The following PIK3R1 variants were observed in gnomAD, a reference collection of about 807,000 sequenced individuals.
PIK3R1 encodes phosphoinositide-3-kinase regulatory subunit 1, also known as phosphatidylinositol 3-kinase regulatory subunit alpha.
In PIK3R1, 29 loss-of-function variants were observed where a neutral mutation model predicts 98.0. That is an observed-to-expected ratio of 0.30 (90% confidence interval 0.22 to 0.40). The LOEUF is 0.40. PIK3R1 is among the 10% of genes least tolerant of loss of function. PIK3R1 has a pLI of 1.00. For synonymous variants in PIK3R1, 282 were observed against 311.8 expected, an observed-to-expected ratio of 0.90 and a Z score of 1.01; for missense variants, 596 against 872.7, an observed-to-expected ratio of 0.68 and a Z score of 3.99.
At chr5:68,250,468 T>G (rs2112065354) in intron 2 of PIK3R1, among the ~76,000 whole-genome samples, 1 of 152,326 alleles carries the variant, frequency 6.6e-6, no homozygotes, top group South Asian at 2.1e-4. Flanking sequence ...CTTGATAGAC[T>G]TAGACATATA....
At chr5:68,253,933 C>G (rs1745415810) in intron 2 of PIK3R1, among the ~76,000 whole-genome samples, 2 of 151,278 alleles carry the variant, frequency 1.3e-5, no homozygotes, top group African/African-American at 4.9e-5. Flanking sequence ...TATATCCACT[C>G]CAAGAAAAGA....
rs772602884 is a variant in PIK3R1, at chr5:68,297,557, A to G, written c.2131A>G (p.Asn711Asp). The G allele has an allele frequency of 1.2e-6, 2 of 1,614,190 alleles. No individual in the cohort carries two copies. The highest frequency in any genetic ancestry group is 2.2e-5 in the South Asian group (2 of 91,082). Residue 711 changes from asparagine (N) to aspartate (D), a missense_variant, in exon 16 of 16, where the codon AAT becomes GAT. Physicochemically the swap from Asn to Asp is conservative, Grantham distance 23. Transcript: ENST00000521381. The stretch of plus-strand genomic sequence containing the variant: ...CCTTGTGCAGCACAACGACTCCCTC[A>G]ATGTCACACTAGCCTACCCAGTATA... ...TSLVQHNDSL[N>D]VTLAYPVYAQ... is the part of the protein sequence containing the mutation.
chr5:68,295,545 C>G, intron 14 of PIK3R1, 57 bp downstream of exon 14: 1 of 1,401,560 alleles, frequency 7.1e-7, no homozygotes, highest in South Asian at 1.2e-5. Flanking sequence ...TAGGAAAATG[C>G]ATGACTTGCT....
At chr5:68,269,393 T>C (rs1236528230) in intron 2 of PIK3R1, among the ~76,000 whole-genome samples, 1 of 152,238 alleles carries the variant, frequency 6.6e-6, no homozygotes, top group African/African-American at 2.4e-5. Flanking sequence ...AGAATTTAAA[T>C]GTAAACTGTT....
chr5:68,262,403 T>TACAC (rs137933097), intron 2 of PIK3R1, among the ~76,000 whole-genome samples: 31 of 140,512 alleles, frequency 2.2e-4, no homozygotes, highest in African/African-American at 3.1e-4. Context: ...TATATATATA[T>TACAC]ACACACACGC....
intron 2 of PIK3R1, among the ~76,000 whole-genome samples, chr5:68,269,954 G>T (rs1258781402): frequency 6.6e-6 from 1 of 151,728 alleles, no homozygotes; most frequent in Admixed American, 6.6e-5. Context: ...CAGCTATGAT[G>T]ATTCATACAT....
chr5:68,283,854 A>T (rs1746958822), intron 7 of PIK3R1, among the ~76,000 whole-genome samples: 1 of 152,188 alleles, frequency 6.6e-6, no homozygotes, highest in African/African-American at 2.4e-5. Flanking sequence ...CTTCGTGAGC[A>T]ATGAGGCTGC....
At chr5:68,268,471 T>C (rs1270291005) in intron 2 of PIK3R1, among the ~76,000 whole-genome samples, 1 of 152,188 alleles carries the variant, frequency 6.6e-6, no homozygotes, top group East Asian at 1.9e-4. Context: ...TGGGATTAGA[T>C]TTGCCCACCA....
In PIK3R1 at chr5:68,279,487, G is replaced by A. The variant is rs545388313; in HGVS notation, c.503-115G>A. On this transcript the variant is annotated intron_variant, in intron 4 of 15. Coordinates refer to ENST00000521381, the MANE Select transcript of PIK3R1 (RefSeq NM_181523.3). ...TGTGTCTTGTATTTATCCTCATATT[G>A]CTTCCTTATTTTTTTTTTTTTTTGT... 2.0e-5 allele frequency: 15 copies of A among 765,042 alleles called. No homozygotes were observed. The African/African-American group carries it at 2.6e-4, about 13-fold the overall frequency. 47.4% of individuals were successfully genotyped at this position (765,042 alleles called of 1,614,324 possible).
chr5:68,216,566 C>G (rs1743892513), intron 1 of PIK3R1, among the ~76,000 whole-genome samples: 1 of 152,102 alleles, frequency 6.6e-6, no homozygotes, highest in African/African-American at 2.4e-5. Flanking sequence ...TCGCTGGGGC[C>G]CTAACTCAGC....
chr5:68,225,968 C>T lies in PIK3R1; in HGVS notation c.-386-322C>T, dbSNP rs139378506. On this transcript the variant is annotated intron_variant, in intron 1 of 15. Transcript: ENST00000521381. ...TAGTGTGCTTTCTCCCTCGTTTGAA[C>T]CCTGCAGTGTTTAGTTTCTGCCTCT... Among the ~76,000 whole-genome samples, 348 of 152,278 alleles carry T rather than the reference C, an allele frequency of 2.3e-3. 2 individuals are homozygous for T. Among genetic ancestry groups the T allele is most frequent in the African/African-American group, 8.0e-3 (334 of 41,562 alleles).
chr5:68,218,305 C>T (rs772282010), intron 1 of PIK3R1, among the ~76,000 whole-genome samples: 65 of 152,192 alleles, frequency 4.3e-4, no homozygotes, highest in Non-Finnish European at 8.5e-4. Flanking sequence ...TGCAAACCTA[C>T]TCAAACTAAC....
chr5:68,295,004 CAAAA>C (rs397789500), intron 12 of PIK3R1, 140 bp from the exon 13 acceptor site: 28 of 382,218 alleles, frequency 7.3e-5, no homozygotes, highest in Admixed American at 1.0e-4. Flanking sequence ...TGAGCCACTC[CAAAA>C]AAAAAAAAAA....
rs1748028141 is a variant in PIK3R1 at position 68,301,319 on chromosome 5, A to G, written c.*3718A>G. On this transcript the variant is annotated 3_prime_UTR_variant, in exon 16 of 16. Coordinates refer to ENST00000521381, the MANE Select transcript of PIK3R1 (RefSeq NM_181523.3). The stretch of plus-strand genomic sequence containing the variant: ...AACATGAAACTTGTCACCATGAGAT[A>G]GCATTAGCTGCCCAGGATGCTGCTA... 1 of 170,702 alleles carries G rather than the reference A, an allele frequency of 5.9e-6. No homozygotes were observed. Among genetic ancestry groups the G allele is most frequent in the South Asian group, 2.2e-4 (1 of 4,620 alleles). The allele number at this position is 170,702 out of a possible 1,614,324, so 10.6% of individuals were successfully genotyped here.
chr5:68,273,992 T>A lies in PIK3R1; in HGVS notation c.481T>A (p.Leu161Ile). The A allele has an allele frequency of 6.2e-7, 1 of 1,613,866 alleles. No homozygotes were observed. ...RTQSSSNLAELRQLLDCDTPS... is the reference protein window; with the variant it reads ...RTQSSSNLAEIRQLLDCDTPS... ...ACAGAGCTCCAGCAACCTGGCAGAA[T>A]TACGACAGCTTCTTGATTGTGGTGA... Residue 161 changes from leucine to isoleucine, a missense_variant, in exon 4 of 16, where the codon TTA (leucine) becomes ATA (isoleucine). By Grantham distance (5) the Leu-to-Ile change is conservative (BLOSUM62 2). Coordinates refer to ENST00000521381, the MANE Select transcript of PIK3R1 (RefSeq NM_181523.3).
chr5:68,283,224 A>AT (rs1746923219), intron 7 of PIK3R1, among the ~76,000 whole-genome samples: 1 of 152,214 alleles, frequency 6.6e-6, no homozygotes, highest in South Asian at 2.1e-4. Flanking sequence ...GAGTACCTGA[A>AT]TGATGTTTAA....
intron 2 of PIK3R1, among the ~76,000 whole-genome samples, chr5:68,248,485 A>C (rs912612598): frequency 4.6e-5 from 7 of 152,238 alleles, no homozygotes; most frequent in South Asian, 2.1e-4. Flanking sequence ...AAAGATTAGT[A>C]ATCTATTTGT....
rs1747440216 is a variant in PIK3R1 at position 68,292,310 on chromosome 5, A to G, written c.968A>G (p.Asn323Ser). 2 of 1,613,606 alleles carry G rather than the reference A, an allele frequency of 1.2e-6. No homozygotes were observed. The highest frequency in any genetic ancestry group is 1.3e-5 in the African/African-American group (1 of 74,914). Residue 323 changes from asparagine to serine, a missense_variant, in exon 8 of 16, where the codon AAT becomes AGT. Physicochemically the swap from Asn to Ser is conservative, Grantham distance 46. Around this residue, in one of 3 missense-constraint regions of PIK3R1, gnomAD observed 352 missense variants for 393.3 expected, o/e 0.90. Transcript: ENST00000521381. Reference protein sequence around the residue: ...KPTTVANNGMNNNMSLQDAEW... With the variant: ...KPTTVANNGMSNNMSLQDAEW... ...ACTACTGTAGCCAACAACGGTATGA[A>G]TAACAATATGTCCTTACAAGATGCT...
intron 7 of PIK3R1, among the ~76,000 whole-genome samples, chr5:68,289,181 G>C (rs1416511440): frequency 1.3e-5 from 2 of 152,170 alleles, no homozygotes; most frequent in African/African-American, 2.4e-5. Context: ...TGCTTCGGGG[G>C]AGGGTCGACA....
Sources: gnomAD v4.1 joint callset for allele counts (sites outside exome capture counted in the v4.1 genomes callset) on GRCh38, gnomAD v4.1.1 for gene constraint, gnomAD v4.1.1 regional missense constraint, MANE v1.5 for transcripts, NCBI Gene and HGNC (gene_info 2026-07-23, HGNC 2026-07-21) for gene names.